Variants in PPP3CA observed in about 807,000 individuals in gnomAD.
The protein encoded by PPP3CA is protein phosphatase 3 catalytic subunit alpha, also known as CAM-PRP catalytic subunit.
A neutral mutation model predicts 66.5 loss-of-function variants in PPP3CA; 14 were observed. That is an observed-to-expected ratio of 0.21 (90% CI 0.14 to 0.33). The LOEUF is 0.33. Among genes scored for constraint, PPP3CA ranks in the 10% least tolerant of loss-of-function variants. The pLI, the probability that PPP3CA is intolerant of heterozygous loss-of-function variation, is 1.00. For missense variants in PPP3CA, 317 were observed against 639.5 expected (o/e 0.50, Z 5.44); for synonymous variants, 232 against 226.2 (o/e 1.03, Z -0.23).
intron 1 of PPP3CA, among the ~76,000 whole-genome samples, chr4:101,321,687 C>T (rs1211311425): frequency 6.6e-6 from 1 of 152,050 alleles, no homozygotes. Flanking sequence ...GAATAAGCCT[C>T]CAAGATGGGA....
intron 2 of PPP3CA, among the ~76,000 whole-genome samples, chr4:101,131,557 C>T (rs771682473): frequency 1.3e-5 from 2 of 152,002 alleles, no homozygotes; most frequent in African/African-American, 2.4e-5. Flanking sequence ...AGCTAACTAT[C>T]CTAAATATAT....
At chr4:101,226,756 T>C (rs1473792491) in intron 1 of PPP3CA, among the ~76,000 whole-genome samples, 2 of 151,700 alleles carry the variant, frequency 1.3e-5, no homozygotes, top group Admixed American at 1.3e-4. Context: ...GACATCCTAT[T>C]TACAATGGCC....
chr4:101,289,702 GCAT>G (rs1380957244), intron 1 of PPP3CA, among the ~76,000 whole-genome samples: 6 of 151,822 alleles, frequency 4.0e-5, no homozygotes, highest in Non-Finnish European at 7.4e-5. Context: ...CATAATATAT[GCAT>G]ATATGTGAGG....
intron 2 of PPP3CA, among the ~76,000 whole-genome samples, chr4:101,191,152 C>T (rs906778739): frequency 6.6e-6 from 1 of 152,122 alleles, no homozygotes; most frequent in Admixed American, 6.5e-5. Context: ...AACTCAGATA[C>T]TCAAATTCTC....
At chr4:101,151,189 A>G (rs954590652) in intron 2 of PPP3CA, among the ~76,000 whole-genome samples, 3 of 152,198 alleles carry the variant, frequency 2.0e-5, no homozygotes, top group Non-Finnish European at 4.4e-5. Context: ...ATTTGAATAT[A>G]ATGGTTGAAT....
intron 2 of PPP3CA, among the ~76,000 whole-genome samples, chr4:101,129,379 A>G (rs568387026): frequency 2.0e-4 from 31 of 152,310 alleles, no homozygotes; most frequent in African/African-American, 7.2e-4. Flanking sequence ...ATCTCCCAGC[A>G]CAGTGCTTGA....
At chr4:101,312,674 A>G (rs1183684679) in intron 1 of PPP3CA, among the ~76,000 whole-genome samples, 1 of 152,158 alleles carries the variant, frequency 6.6e-6, no homozygotes, top group Non-Finnish European at 1.5e-5. Flanking sequence ...ATTAAGCTGT[A>G]TAACCATTTA....
chr4:101,158,944 A>T (rs1723413078), intron 2 of PPP3CA, among the ~76,000 whole-genome samples: 1 of 152,236 alleles, frequency 6.6e-6, no homozygotes, highest in Non-Finnish European at 1.5e-5. Flanking sequence ...CATTTTATGA[A>T]TGAAGATAAC....
intron 2 of PPP3CA, among the ~76,000 whole-genome samples, chr4:101,179,476 T>C (rs548922264): frequency 5.4e-4 from 82 of 152,220 alleles, no homozygotes; most frequent in Non-Finnish European, 6.9e-4. Flanking sequence ...CAGCATGCTG[T>C]CTTCCATAAC....
intron 1 of PPP3CA, among the ~76,000 whole-genome samples, chr4:101,297,847 T>C (rs1728244467): frequency 6.6e-6 from 1 of 152,186 alleles, no homozygotes; most frequent in African/African-American, 2.4e-5. Flanking sequence ...ATACAACTGT[T>C]TGATTGGGTT....
At chr4:101,119,581 C>G (rs1365745358) in intron 2 of PPP3CA, among the ~76,000 whole-genome samples, 1 of 151,926 alleles carries the variant, frequency 6.6e-6, no homozygotes, top group Non-Finnish European at 1.5e-5. Flanking sequence ...GGAAAATTTT[C>G]TACATAGGGA....
chr4:101,164,413 T>C (rs1317804464), intron 2 of PPP3CA, among the ~76,000 whole-genome samples: 4 of 152,316 alleles, frequency 2.6e-5, no homozygotes, highest in Non-Finnish European at 5.9e-5. Flanking sequence ...GTACTTGGCA[T>C]ATAATAATAC....
intron 2 of PPP3CA, among the ~76,000 whole-genome samples, chr4:101,164,912 C>T (rs1273010878): frequency 6.6e-6 from 1 of 152,044 alleles, no homozygotes; most frequent in African/African-American, 2.4e-5. Context: ...GCCAATGTTG[C>T]ACATGTATAT....
intron 1 of PPP3CA, among the ~76,000 whole-genome samples, chr4:101,287,472 A>G (rs182215234): frequency 5.6e-4 from 86 of 152,320 alleles, no homozygotes; most frequent in African/African-American, 2.0e-3. Context: ...TATTCAGCAT[A>G]GAAACACAAG....
At position 101,108,386 on chromosome 4, in the gene PPP3CA, C is replaced by T. The variant is rs187792626; in HGVS notation, c.384+568G>A. 1.5e-4 allele frequency among the ~76,000 whole-genome samples: 23 copies of T among 152,254 alleles called. 1 individual carries two copies. Among genetic ancestry groups the T allele is most frequent in the African/African-American group, 5.1e-4 (21 of 41,556 alleles). On this transcript the variant is annotated intron_variant, in intron 3 of 13. Transcript: ENST00000394854. ...TGGAATTATTTATTGTAAAGCAAAA[C>T]GTAATTTTTGAAAATTTGCAAATAT...
chr4:101,339,566 G>A (rs1240673969), intron 1 of PPP3CA, among the ~76,000 whole-genome samples: 2 of 152,180 alleles, frequency 1.3e-5, no homozygotes, highest in Non-Finnish European at 2.9e-5. Flanking sequence ...GCTGGAGAAA[G>A]AAGCACTCCA....
intron 8 of PPP3CA, among the ~76,000 whole-genome samples, chr4:101,069,741 A>C (rs1245443839): frequency 6.6e-6 from 1 of 152,180 alleles, no homozygotes; most frequent in Non-Finnish European, 1.5e-5. Flanking sequence ...AACATGAAGA[A>C]GACGAGGATG....
chr4:101,327,333 C>G (rs754530017), intron 1 of PPP3CA, among the ~76,000 whole-genome samples: 3 of 152,048 alleles, frequency 2.0e-5, no homozygotes, highest in Admixed American at 6.6e-5. Context: ...AACCTGGAAT[C>G]TACTACAAAT....
intron 8 of PPP3CA, among the ~76,000 whole-genome samples, chr4:101,078,723 T>C (rs1474924401): frequency 2.0e-5 from 3 of 152,214 alleles, no homozygotes; most frequent in African/African-American, 7.2e-5. Flanking sequence ...TTTCCATTGA[T>C]TGTGTTTTAA....
Sources: gnomAD v4.1 joint callset for allele counts (sites outside exome capture counted in the v4.1 genomes callset) on GRCh38, gnomAD v4.1.1 for gene constraint, MANE v1.5 for transcripts, NCBI Gene and HGNC (gene_info 2026-07-23, HGNC 2026-07-21) for gene names.